The following GRAMD4 variants were observed in gnomAD, a reference collection of about 807,000 sequenced individuals.
GRAMD4 encodes GRAM domain containing 4.
Under a neutral mutation model 83.9 loss-of-function variants are expected in GRAMD4, and 25 were observed. That is an observed-to-expected ratio of 0.30 (90% confidence interval 0.22 to 0.42). The LOEUF (loss-of-function observed/expected upper bound fraction) is 0.42, where lower values mean the gene tolerates loss of function less well. GRAMD4 is among the 10% of genes least tolerant of loss of function. The pLI, the probability that GRAMD4 is intolerant of heterozygous loss-of-function variation, is 1.00. For synonymous variants in GRAMD4, 336 were observed against 320.9 expected, an observed-to-expected ratio of 1.05 and a Z score of -0.50; for missense variants, 593 against 788.7, an observed-to-expected ratio of 0.75 and a Z score of 2.97.
chr22:46,663,145 A>G lies in GRAMD4; in HGVS notation c.572A>G (p.Glu191Gly). The G allele has an allele frequency of 6.2e-7, 1 of 1,612,184 alleles. No homozygotes were observed. The highest frequency in any genetic ancestry group is 8.5e-7 in the Non-Finnish European group (1 of 1,179,522). Reference sequence around the variant, plus strand: ...TTCCAGCCCGAGGAGAACACTGTGGAGACAGAGGAACCCCTGAGCGCCCGC... The same window carrying G: ...TTCCAGCCCGAGGAGAACACTGTGGGGACAGAGGAACCCCTGAGCGCCCGC... ...FRFQPEENTV[E>G]TEEPLSARRL... The change falls in exon 6 of 19, where the codon GAG becomes GGG. Residue 191 changes from glutamate (E) to glycine (G), a missense_variant. Physicochemically the swap from Glu to Gly is moderately conservative, Grantham distance 98 (BLOSUM62 -2). Coordinates refer to ENST00000406902, the MANE Select transcript of GRAMD4 (RefSeq NM_015124.5).
chr22:46,655,349 G>C (rs921008837), intron 3 of GRAMD4, among the ~76,000 whole-genome samples: 2 of 152,134 alleles, frequency 1.3e-5, no homozygotes, highest in African/African-American at 4.8e-5. Flanking sequence ...AGTTCTAAGC[G>C]GGAAAGCAAC....
chr22:46,591,079 A>AAAACC (rs879428379), intron 1 of GRAMD4, among the ~76,000 whole-genome samples: 1 of 151,890 alleles, frequency 6.6e-6, no homozygotes, highest in Admixed American at 6.6e-5. Flanking sequence ...AGAAAAAAAA[A>AAAACC]CAAACAAACC....
intron 9 of GRAMD4, 152 bp downstream of exon 9, chr22:46,665,858 A>G (rs2082400871): frequency 6.7e-6 from 4 of 599,630 alleles, no homozygotes; most frequent in African/African-American, 3.7e-5. Context: ...CCCCCCAGGC[A>G]GGGCGGCTGC....
At chr22:46,640,722 G>A (rs2081962427) in intron 3 of GRAMD4, among the ~76,000 whole-genome samples, 1 of 151,984 alleles carries the variant, frequency 6.6e-6, no homozygotes, top group Admixed American at 6.6e-5. Context: ...GGCCTCCCTG[G>A]TTGAAACCCA....
At chr22:46,634,817 C>A (rs531859206) in intron 2 of GRAMD4, among the ~76,000 whole-genome samples, 2 of 151,970 alleles carry the variant, frequency 1.3e-5, no homozygotes, top group African/African-American at 2.4e-5. Flanking sequence ...GTGGCAGGCA[C>A]CTGTAATTCC....
chr22:46,646,681 G>A (rs765523699), intron 3 of GRAMD4, among the ~76,000 whole-genome samples: 1 of 152,242 alleles, frequency 6.6e-6, no homozygotes, highest in Non-Finnish European at 1.5e-5. Context: ...GGGCCTGTGG[G>A]TGTGGTTCTT....
intron 3 of GRAMD4, among the ~76,000 whole-genome samples, chr22:46,651,944 C>G (rs899632559): frequency 1.3e-5 from 2 of 152,134 alleles, no homozygotes; most frequent in African/African-American, 4.8e-5. Flanking sequence ...GTTTTATGAC[C>G]CAAGGACTGC....
downstream of GRAMD4, chr22:46,679,906 G>A (rs1417418631): frequency 1.4e-5 from 6 of 417,644 alleles, no homozygotes; most frequent in South Asian, 1.0e-4. Context: ...GGGGCCCCAC[G>A]GCTGCCGGCG....
rs17761602 is a variant in GRAMD4, at chr22:46,668,178, G to C, written c.930+11G>C. The stretch of plus-strand genomic sequence containing the variant: ...GCCCAGAAAGCCCAGGTACTGCCAC[G>C]GGCGCCGGCCAGGGGTGTGTCTGCG... On this transcript the variant is annotated intron_variant, in intron 11 of 18. Transcript: ENST00000406902. 5 of 1,603,190 alleles carry C rather than the reference G, an allele frequency of 3.1e-6. No individual in the cohort carries two copies. The highest frequency in any genetic ancestry group is 4.3e-6 in the Non-Finnish European group (5 of 1,172,142).
At chr22:46,632,860 C>G (rs151018536) in intron 2 of GRAMD4, among the ~76,000 whole-genome samples, 2 of 152,358 alleles carry the variant, frequency 1.3e-5, no homozygotes, top group African/African-American at 4.8e-5. Context: ...GCTGCCTGTG[C>G]TTGCTGGGGA....
chr22:46,661,483 G>T (rs746667135), intron 5 of GRAMD4, 41 bp downstream of exon 5: 2 of 1,351,934 alleles, frequency 1.5e-6, no homozygotes, highest in Non-Finnish European at 2.1e-6. Context: ...GCGGGCGGGT[G>T]GGTGGCTGCG....
At chr22:46,601,130 C>T (rs1221794315) in intron 1 of GRAMD4, among the ~76,000 whole-genome samples, 1 of 151,476 alleles carries the variant, frequency 6.6e-6, no homozygotes, top group Non-Finnish European at 1.5e-5. Context: ...GGTGACAGAG[C>T]GAGACTCTGT....
At chr22:46,615,644 CT>C (rs1173670156), upstream of GRAMD4, among the ~76,000 whole-genome samples, 1 of 116,108 alleles carries the variant, frequency 8.6e-6, no homozygotes, top group African/African-American at 3.4e-5. Flanking sequence ...GTAGGTTCCC[CT>C]GTGCGTGTAG....
rs373616273 is a variant in GRAMD4, at chr22:46,665,610, C to T, written c.718-5C>T. On this transcript the variant is annotated splice_region_variant and splice_polypyrimidine_tract_variant and intron_variant, in intron 8 of 18. Transcript: ENST00000406902. Reference sequence around the variant, plus strand: ...GAGGTCTGACGCCCTGTCTCTCACCCGCAGGTGTACATGAATGCCGTGTGG... The same window carrying T: ...GAGGTCTGACGCCCTGTCTCTCACCTGCAGGTGTACATGAATGCCGTGTGG... 3.2e-5 allele frequency: 49 copies of T among 1,531,816 alleles called. No homozygotes were observed. In the African/African-American group the frequency reaches 5.2e-4, roughly 16 times the overall value. 94.9% of individuals were successfully genotyped at this position (1,531,816 alleles called of 1,614,324 possible).
intron 2 of GRAMD4, among the ~76,000 whole-genome samples, chr22:46,635,081 T>C (rs922091044): frequency 8.4e-6 from 1 of 119,354 alleles, no homozygotes; most frequent in African/African-American, 2.8e-5. Context: ...ACTCCTGTCT[T>C]GGGGAGCCGT....
At chr22:46,594,940 T>C (rs1406710446) in intron 1 of GRAMD4, among the ~76,000 whole-genome samples, 1 of 152,110 alleles carries the variant, frequency 6.6e-6, no homozygotes, top group East Asian at 1.9e-4. Flanking sequence ...TGGTAACCAG[T>C]GCATCGGGAC....
Position 46,673,823 on chromosome 22 carries a change from G to A in GRAMD4, c.1384+9G>A. ...CGAGCGTCCGCTGGCGGGTATGTGTGCCGTGAGTCTGAGGCCAGGCCGAGC... is the reference window on the plus strand; with the variant it reads ...CGAGCGTCCGCTGGCGGGTATGTGTACCGTGAGTCTGAGGCCAGGCCGAGC... On this transcript the variant is annotated intron_variant, in intron 15 of 18. Coordinates refer to ENST00000406902, the MANE Select transcript of GRAMD4 (RefSeq NM_015124.5). 1 of 1,612,546 alleles carries A rather than the reference G, an allele frequency of 6.2e-7. No homozygotes were observed. Among genetic ancestry groups the A allele is most frequent in the Non-Finnish European group, 8.5e-7 (1 of 1,179,868 alleles).
intron 14 of GRAMD4, 26 bp downstream of exon 14, chr22:46,673,023 A>G (rs1204124951): frequency 2.6e-6 from 4 of 1,515,272 alleles, no homozygotes; most frequent in Non-Finnish European, 3.5e-6. Flanking sequence ...AGCTGCGGGG[A>G]TGGGGGGATG....
At chr22:46,582,124 G>A (rs1268303329) in intron 1 of GRAMD4, among the ~76,000 whole-genome samples, 1 of 152,156 alleles carries the variant, frequency 6.6e-6, no homozygotes, top group Non-Finnish European at 1.5e-5. Flanking sequence ...GAGGGCTTCT[G>A]GGATGCACTT....
Sources: allele counts gnomAD v4.1 joint callset (sites outside exome capture counted in the v4.1 genomes callset), GRCh38; gene constraint gnomAD v4.1.1; transcripts MANE v1.5; gene names NCBI Gene and HGNC (gene_info 2026-07-23, HGNC 2026-07-21).